NAALADL2: variants seen among roughly 807,000 people sequenced by gnomAD.
The protein encoded by NAALADL2 is inactive N-acetylated-alpha-linked acidic dipeptidase-like protein 2.
In NAALADL2, 76 loss-of-function variants were observed where a neutral mutation model predicts 87.2. The ratio of observed to expected loss-of-function variants is 0.87; its 90% CI spans 0.72 to 1.05. NAALADL2 has a LOEUF of 1.05. Among genes scored for constraint, NAALADL2 ranks in the 50% least tolerant of loss-of-function variants. The pLI, the probability that NAALADL2 is intolerant of heterozygous loss-of-function variation, is 0.00. For missense variants in NAALADL2, 1,089 were observed against 945.8 expected (o/e 1.15, Z -1.99); for synonymous variants, 354 against 331.0 (o/e 1.07, Z -0.75).
At chr3:174,995,763 T>C (rs1747355723) in intron 1 of NAALADL2, among the ~76,000 whole-genome samples, 1 of 151,632 alleles carries the variant, frequency 6.6e-6, no homozygotes, top group Non-Finnish European at 1.5e-5. Context: ...CCTTAACCTT[T>C]GAATTGCTTT....
At chr3:174,993,613 A>G (rs1308939230) in intron 1 of NAALADL2, among the ~76,000 whole-genome samples, 1 of 152,170 alleles carries the variant, frequency 6.6e-6, no homozygotes, top group Non-Finnish European at 1.5e-5. Context: ...TTTTTGCTAA[A>G]AATGTTTGTC....
intron 1 of NAALADL2, among the ~76,000 whole-genome samples, chr3:174,921,154 G>A (rs895678950): frequency 1.3e-5 from 2 of 152,136 alleles, no homozygotes; most frequent in African/African-American, 4.8e-5. Context: ...GAAAAAAATG[G>A]CACTGATAGA....
intron 4 of NAALADL2, among the ~76,000 whole-genome samples, chr3:175,300,755 T>TTTTA (rs548300066): frequency 0.02 from 2,883 of 146,322 alleles, 34 homozygotes; most frequent in Middle Eastern, 0.052. Flanking sequence ...ATTTATTTAT[T>TTTTA]TTTATTTATT....
intron 1 of NAALADL2, among the ~76,000 whole-genome samples, chr3:174,494,656 G>C (rs1718406810): frequency 6.6e-6 from 1 of 151,832 alleles, no homozygotes; most frequent in Admixed American, 6.6e-5. Flanking sequence ...TTTTAGTTCA[G>C]GCAGAAGGTG....
chr3:175,108,738 C>T (rs1723675126), intron 2 of NAALADL2, among the ~76,000 whole-genome samples: 1 of 151,898 alleles, frequency 6.6e-6, no homozygotes, highest in South Asian at 2.1e-4. Context: ...CTTCCTTAGG[C>T]TTATCTGAAA....
intron 2 of NAALADL2, among the ~76,000 whole-genome samples, chr3:175,155,183 G>A (rs947840953): frequency 1.3e-4 from 20 of 152,220 alleles, no homozygotes; most frequent in Admixed American, 6.6e-5. Context: ...TCTCTGGGGC[G>A]GTGGGGCCTG....
intron 2 of NAALADL2, among the ~76,000 whole-genome samples, chr3:175,134,570 C>A (rs535525343): frequency 3.9e-5 from 6 of 151,950 alleles, no homozygotes; most frequent in Non-Finnish European, 8.8e-5. Flanking sequence ...TTACTTTTTT[C>A]TCAATATATA....
intron 5 of NAALADL2, among the ~76,000 whole-genome samples, chr3:175,380,591 A>G (rs1188144411): frequency 1.3e-5 from 2 of 152,208 alleles, no homozygotes; most frequent in East Asian, 3.8e-4. Flanking sequence ...AGAAAATAAT[A>G]CAAACTTTTT....
In NAALADL2 at chr3:175,234,189, C is replaced by T. The variant is rs535015551; in HGVS notation, c.804C>T (p.Ala268=). 6 of 1,613,420 alleles carry T rather than the reference C, an allele frequency of 3.7e-6. No individual in the cohort carries two copies. The African/African-American group carries it at 8.0e-5, about 22-fold the overall frequency. The change falls in exon 3 of 14, where the codon GCC becomes GCT. Residue 268 remains alanine (A), a synonymous_variant. Coordinates refer to ENST00000454872, the MANE Select transcript of NAALADL2 (RefSeq NM_207015.3). ...DLLYSYAAYS[A]KGTLKAEVID... ...TCTATTCATATGCAGCCTATTCTGC[C>T]AAAGGAACTCTCAAGGTAATATGAC...
intron 5 of NAALADL2, among the ~76,000 whole-genome samples, chr3:175,431,137 C>A (rs374198778): frequency 6.6e-6 from 1 of 152,018 alleles, no homozygotes; most frequent in Non-Finnish European, 1.5e-5. Flanking sequence ...TTCGAAGCAA[C>A]CTTGCAAATG....
intron 2 of NAALADL2, among the ~76,000 whole-genome samples, chr3:174,642,908 G>A (rs960281834): frequency 2.0e-5 from 3 of 151,726 alleles, no homozygotes; most frequent in Non-Finnish European, 4.4e-5. Context: ...TCAGCTTCCT[G>A]CGTAGCTGGG....
chr3:175,417,940 T>G (rs930333986), intron 5 of NAALADL2, among the ~76,000 whole-genome samples: 33 of 152,226 alleles, frequency 2.2e-4, no homozygotes, highest in African/African-American at 7.9e-4. Flanking sequence ...ATTGAGCTCC[T>G]TAGAACCTTG....
At chr3:174,472,983 C>T (rs562994345) in intron 1 of NAALADL2, among the ~76,000 whole-genome samples, 3 of 152,182 alleles carry the variant, frequency 2.0e-5, no homozygotes, top group East Asian at 1.9e-4. Flanking sequence ...TATATGACTT[C>T]GTAGATTTCT....
intron 2 of NAALADL2, among the ~76,000 whole-genome samples, chr3:174,725,332 CTTAA>C (rs1019816078): frequency 2.0e-5 from 3 of 146,830 alleles, no homozygotes; most frequent in Admixed American, 6.7e-5. Context: ...GTTTTTTAAA[CTTAA>C]TTATTTAATT....
intron 9 of NAALADL2, among the ~76,000 whole-genome samples, chr3:175,486,188 CCTTATTT>C (rs1436221202): frequency 1.3e-5 from 2 of 152,126 alleles, no homozygotes; most frequent in African/African-American, 4.8e-5. Context: ...AACATATAAA[CCTTATTT>C]TTCCACTGCA....
At chr3:174,815,284 G>A (rs1268670741) in intron 3 of NAALADL2, among the ~76,000 whole-genome samples, 1 of 152,110 alleles carries the variant, frequency 6.6e-6, no homozygotes, top group Non-Finnish European at 1.5e-5. Flanking sequence ...CTAAGATCAG[G>A]GTTTTGGCAG....
At chr3:175,689,339 AAGAG>A (rs1199249783) in intron 11 of NAALADL2, among the ~76,000 whole-genome samples, 1 of 152,040 alleles carries the variant, frequency 6.6e-6, no homozygotes, top group African/African-American at 2.4e-5. Context: ...GTGTCATAGG[AAGAG>A]AGAGATTTTT....
At chr3:175,147,795 C>T (rs577233322) in intron 2 of NAALADL2, among the ~76,000 whole-genome samples, 6 of 152,050 alleles carry the variant, frequency 3.9e-5, no homozygotes, top group Admixed American at 1.3e-4. Context: ...TTCGGCCAGG[C>T]GTGTTGGCTC....
chr3:175,234,333 G>A, intron 3 of NAALADL2, 129 bp downstream of exon 3: 1 of 1,017,100 alleles, frequency 9.8e-7, no homozygotes, highest in Non-Finnish European at 1.4e-6. Context: ...CAGTGTGGAA[G>A]TGCCAGGAAA....
Sources: gnomAD v4.1 joint callset for allele counts (sites outside exome capture counted in the v4.1 genomes callset) on GRCh38, gnomAD v4.1.1 for gene constraint, MANE v1.5 for transcripts, NCBI Gene and HGNC (gene_info 2026-07-23, HGNC 2026-07-21) for gene names.